DCC: variants seen among roughly 807,000 people sequenced by gnomAD.
The protein encoded by DCC is netrin receptor DCC.
In DCC, 58 loss-of-function variants were observed where a neutral mutation model predicts 172.5. The ratio of observed to expected loss-of-function variants is 0.34; its 90% CI spans 0.27 to 0.42. DCC has a LOEUF of 0.42. Ranked by LOEUF, DCC falls within the 10% of genes least tolerant of loss-of-function variation. The pLI, the probability that DCC is intolerant of heterozygous loss-of-function variation, is 1.00. For synonymous variants in DCC, 709 were observed against 644.5 expected, an observed-to-expected ratio of 1.10 and a Z score of -1.52; for missense variants, 1,740 against 1,791.0, an observed-to-expected ratio of 0.97 and a Z score of 0.51.
chr18:53,086,692 C>T lies in DCC; in HGVS notation c.1261+20526C>T, dbSNP rs181937270. Among the ~76,000 whole-genome samples, 633 of 127,312 alleles carry T rather than the reference C, an allele frequency of 5.0e-3. 8 individuals carry two copies. The highest frequency in any genetic ancestry group is 0.019 in the African/African-American group (589 of 30,436). The allele number at this position is 127,312 out of a possible 152,430, so 83.5% of individuals were successfully genotyped here. ...TGTATACATGTGCCATGCTAGTGCG[C>T]TGCACCCACTAACTCGTCATCTAGC... On this transcript the variant is annotated intron_variant, in intron 7 of 28. Coordinates refer to ENST00000442544, the MANE Select transcript of DCC (RefSeq NM_005215.4).
At chr18:52,710,695 A>C (rs77034870) in intron 1 of DCC, among the ~76,000 whole-genome samples, 1 of 152,222 alleles carries the variant, frequency 6.6e-6, no homozygotes, top group Non-Finnish European at 1.5e-5. Context: ...GCAAACAAAA[A>C]AAGTGGTTAA....
chr18:53,379,954 GAAGAA>G (rs1907591125), intron 15 of DCC, among the ~76,000 whole-genome samples: 1 of 152,072 alleles, frequency 6.6e-6, no homozygotes, highest in Non-Finnish European at 1.5e-5. Context: ...TAAATTCAAA[GAAGAA>G]AATACTGCTG....
chr18:53,263,798 A>C (rs2056634622), intron 12 of DCC, among the ~76,000 whole-genome samples: 1 of 151,848 alleles, frequency 6.6e-6, no homozygotes, highest in South Asian at 2.1e-4. Context: ...TATATTTTTA[A>C]ATGATTTTAT....
intron 1 of DCC, among the ~76,000 whole-genome samples, chr18:52,572,822 T>C (rs2144761698): frequency 6.6e-6 from 1 of 152,354 alleles, no homozygotes; most frequent in East Asian, 1.9e-4. Flanking sequence ...ATGTGGAGAA[T>C]AATCCCTATT....
chr18:53,058,432 T>C (rs1049003142), intron 5 of DCC, among the ~76,000 whole-genome samples: 2 of 152,098 alleles, frequency 1.3e-5, no homozygotes, highest in Non-Finnish European at 2.9e-5. Flanking sequence ...TCATAATTTT[T>C]TAAAATGGTA....
intron 1 of DCC, among the ~76,000 whole-genome samples, chr18:52,433,560 A>C (rs1987693534): frequency 1.3e-5 from 2 of 152,208 alleles, no homozygotes; most frequent in South Asian, 4.1e-4. Context: ...TTGGTTAGTC[A>C]TCATGACAGA....
chr18:53,074,129 G>A (rs1395366035), intron 7 of DCC, among the ~76,000 whole-genome samples: 1 of 152,052 alleles, frequency 6.6e-6, no homozygotes, highest in African/African-American at 2.4e-5. Context: ...AACTACTGGT[G>A]GAGAATTAAG....
At chr18:52,494,463 T>A (rs1316923959) in intron 1 of DCC, among the ~76,000 whole-genome samples, 2 of 152,128 alleles carry the variant, frequency 1.3e-5, no homozygotes, top group East Asian at 3.9e-4. Flanking sequence ...TCCAATTACC[T>A]GTATATTAGA....
chr18:53,056,439 G>A (rs775868338), intron 5 of DCC, among the ~76,000 whole-genome samples: 31 of 152,092 alleles, frequency 2.0e-4, no homozygotes, highest in Non-Finnish European at 3.8e-4. Flanking sequence ...TGCATTCAAT[G>A]CCAGATGGCT....
chr18:53,505,875 C>T (rs2046168060), intron 27 of DCC, among the ~76,000 whole-genome samples: 1 of 152,142 alleles, frequency 6.6e-6, no homozygotes, highest in Non-Finnish European at 1.5e-5. Flanking sequence ...TTCTTATACA[C>T]TTGATGGGTC....
intron 1 of DCC, among the ~76,000 whole-genome samples, chr18:52,602,838 G>T (rs1433527353): frequency 6.6e-6 from 1 of 151,988 alleles, no homozygotes; most frequent in Non-Finnish European, 1.5e-5. Context: ...AGGTCTATTG[G>T]TTTAAAATTG....
At chr18:53,380,995 T>C (rs11662271) in intron 15 of DCC, among the ~76,000 whole-genome samples, 69,689 of 151,898 alleles carry the variant, frequency 0.46, 16,931 homozygotes, top group Non-Finnish European at 0.54. Context: ...ACTCAGCATA[T>C]TCTATACCAT....
chr18:53,436,801 A>C (rs900014816), intron 22 of DCC, among the ~76,000 whole-genome samples: 3 of 152,112 alleles, frequency 2.0e-5, no homozygotes, highest in Non-Finnish European at 2.9e-5. Context: ...CTTATAAACA[A>C]CAGAAATTTA....
At chr18:52,845,834 A>G (rs949689400) in intron 2 of DCC, among the ~76,000 whole-genome samples, 1 of 152,226 alleles carries the variant, frequency 6.6e-6, no homozygotes, top group Non-Finnish European at 1.5e-5. Flanking sequence ...TCAAGTACAG[A>G]CATTACTTGA....
At position 53,391,716 on chromosome 18, in the gene DCC, T is replaced by C. The variant is rs1163437881; in HGVS notation, c.2517T>C (p.Asp839=). The C allele has an allele frequency of 5.0e-6, 8 of 1,614,016 alleles. 1 individual carries two copies. The Admixed American group carries it at 1.0e-4, about 20-fold the overall frequency. Residue 839 remains aspartate (D), a synonymous_variant, in exon 17 of 29, where the codon GAT becomes GAC. Coordinates refer to ENST00000442544, the MANE Select transcript of DCC (RefSeq NM_005215.4). ...LLDDFPTSVP[D]LSTPMLPPVG... ...ATGATTTCCCCACCTCGGTCCCAGATCTCTCCACCCCCATGCTCCCACCAG... is the reference window on the plus strand; with the variant it reads ...ATGATTTCCCCACCTCGGTCCCAGACCTCTCCACCCCCATGCTCCCACCAG...
chr18:53,053,901 T>C (rs1404149416), intron 5 of DCC, among the ~76,000 whole-genome samples: 1 of 152,138 alleles, frequency 6.6e-6, no homozygotes, highest in African/African-American at 2.4e-5. Context: ...CAATTGTATA[T>C]GTATGGATAT....
At chr18:52,556,302 A>AT (rs2032912779) in intron 1 of DCC, among the ~76,000 whole-genome samples, 1 of 152,186 alleles carries the variant, frequency 6.6e-6, no homozygotes, top group Admixed American at 6.6e-5. Flanking sequence ...TATATTATAC[A>AT]TTTAATGGTA....
chr18:52,804,495 C>T (rs2038050432), intron 2 of DCC, among the ~76,000 whole-genome samples: 2 of 152,062 alleles, frequency 1.3e-5, no homozygotes, highest in Admixed American at 1.3e-4. Context: ...GGTTTATAGA[C>T]AAAAAAAGAT....
intron 2 of DCC, among the ~76,000 whole-genome samples, chr18:52,757,927 A>G (rs1353740887): frequency 1.3e-5 from 2 of 152,136 alleles, no homozygotes; most frequent in African/African-American, 4.8e-5. Context: ...TTGCTTCTCA[A>G]TCTAAGGACT....
Sources: gnomAD v4.1 joint callset for allele counts (sites outside exome capture counted in the v4.1 genomes callset) on GRCh38, gnomAD v4.1.1 for gene constraint, MANE v1.5 for transcripts, NCBI Gene and HGNC (gene_info 2026-07-23, HGNC 2026-07-21) for gene names.